Variants in AHCYL2 observed in about 807,000 individuals in gnomAD.
AHCYL2 encodes the protein S-adenosylhomocysteine hydrolase-like protein 2.
Under a neutral mutation model 81.4 loss-of-function variants are expected in AHCYL2, and 28 were observed. That is an observed-to-expected ratio of 0.34 (90% CI 0.25 to 0.47). The LOEUF (loss-of-function observed/expected upper bound fraction) is 0.47, where lower values mean the gene tolerates loss of function less well. Ranked by LOEUF, AHCYL2 falls within the 20% of genes least tolerant of loss-of-function variation. AHCYL2 has a pLI of 1.00. For synonymous variants in AHCYL2, 272 were observed against 290.2 expected (o/e 0.94, Z 0.64); for missense variants, 551 against 785.1 (o/e 0.70, Z 3.56).
In AHCYL2 at chr7:129,419,745, A is replaced by C. The variant is rs1388015229; in HGVS notation, c.1462-3095A>C. ...AGTTGTTCTCCCTGAAAAAAAAAAA[A>C]CAAAAAAAAACCGGATATGCACTGT... On this transcript the variant is annotated intron_variant, in intron 12 of 16. Transcript: ENST00000325006. The surrounding 1 kb of genome is among the most constrained non-coding windows in gnomAD (Gnocchi z 4.7). 1.3e-5 allele frequency among the ~76,000 whole-genome samples: 2 copies of C among 151,960 alleles called. No individual in the cohort carries two copies. The highest frequency in any genetic ancestry group is 4.8e-5 in the African/African-American group (2 of 41,360).
At chr7:129,387,018 T>C (rs1795234339) in intron 2 of AHCYL2, among the ~76,000 whole-genome samples, 1 of 152,226 alleles carries the variant, frequency 6.6e-6, no homozygotes, top group South Asian at 2.1e-4. Context: ...AATTACTGTA[T>C]GCCAAGCATT....
intron 1 of AHCYL2, among the ~76,000 whole-genome samples, chr7:129,340,094 AT>A (rs951944063): frequency 1.1e-4 from 16 of 142,752 alleles, no homozygotes; most frequent in African/African-American, 1.8e-4. Context: ...TATTTTTTGT[AT>A]TTTTTTTTAG....
chr7:129,353,246 CCATTCTTTA>C (rs921470389), intron 1 of AHCYL2, among the ~76,000 whole-genome samples: 79 of 152,336 alleles, frequency 5.2e-4, no homozygotes, highest in Admixed American at 2.2e-3. Context: ...CCATGCCCGG[CCATTCTTTA>C]CATTCTTTAC....
chr7:129,365,156 A>G (rs1168053352), intron 1 of AHCYL2, among the ~76,000 whole-genome samples: 1 of 152,216 alleles, frequency 6.6e-6, no homozygotes, highest in Non-Finnish European at 1.5e-5. Context: ...AATTTGAGGA[A>G]TGGTGAGAAT....
At chr7:129,341,630 A>T (rs780113479) in intron 1 of AHCYL2, among the ~76,000 whole-genome samples, 2 of 152,312 alleles carry the variant, frequency 1.3e-5, no homozygotes, top group African/African-American at 4.8e-5. Context: ...TGGCGGCGGC[A>T]GTGGCTGGCA....
intron 1 of AHCYL2, among the ~76,000 whole-genome samples, chr7:129,266,578 T>A (rs1469539536): frequency 1.3e-5 from 2 of 152,134 alleles, no homozygotes; most frequent in Non-Finnish European, 2.9e-5. Context: ...AACTAAAGTA[T>A]CTCACTGAGA....
chr7:129,430,094 T>C lies in AHCYL2; in HGVS notation c.*3049T>C, dbSNP rs946448397. The C allele has an allele frequency of 3.3e-5, 5 of 152,298 alleles. No individual in the cohort carries two copies. The highest frequency in any genetic ancestry group is 4.4e-5 in the Non-Finnish European group (3 of 67,994). 9.4% of individuals were successfully genotyped at this position (152,298 alleles called of 1,614,324 possible). A position where few individuals can be genotyped will look rare whatever the true frequency, so the allele number is the denominator to read the frequency against. ...GTCATCTTACTGAAAGGAATAACACTTCTAAAGATCACCATTTCTGAGAAG... is the reference window on the plus strand; with the variant it reads ...GTCATCTTACTGAAAGGAATAACACCTCTAAAGATCACCATTTCTGAGAAG... On this transcript the variant is annotated 3_prime_UTR_variant, in exon 17 of 17. Coordinates refer to ENST00000325006, the MANE Select transcript of AHCYL2 (RefSeq NM_015328.4).
At chr7:129,404,199 C>G (rs1796189204) in intron 7 of AHCYL2, among the ~76,000 whole-genome samples, 1 of 151,988 alleles carries the variant, frequency 6.6e-6, no homozygotes, top group South Asian at 2.1e-4. Context: ...GTAGACAAAA[C>G]AGACAGAAAA....
chr7:129,321,743 G>GTTTTTTTTTTTTTTTTTTTTGT (rs1798024159), intron 1 of AHCYL2, among the ~76,000 whole-genome samples: 5 of 77,626 alleles, frequency 6.4e-5, no homozygotes, highest in Non-Finnish European at 1.0e-4. Flanking sequence ...TTCTTTCTTT[G>GTTTTTTTTTTTTTTTTTTTTGT]TTTTTTTTTT....
rs1794152657 is a variant in AHCYL2, at chr7:129,225,049, T to G, written c.-28T>G. ...CCGACCAAGAGCAGGAGCTGGAGTC[T>G]GAGCCGGTGGTTGCAGCGGAGGCGG... On this transcript the variant is annotated 5_prime_UTR_variant, in exon 1 of 17. Transcript: ENST00000325006. 6.4e-7 allele frequency: 1 copy of G among 1,569,730 alleles called. No homozygotes were observed. The highest frequency in any genetic ancestry group is 1.9e-5 in the Admixed American group (1 of 53,452).
intron 1 of AHCYL2, among the ~76,000 whole-genome samples, chr7:129,259,039 C>T (rs192559437): frequency 6.6e-6 from 1 of 152,152 alleles, no homozygotes; most frequent in Non-Finnish European, 1.5e-5. Flanking sequence ...GAGAAACTAA[C>T]ACCAAACTAA....
intron 1 of AHCYL2, among the ~76,000 whole-genome samples, chr7:129,328,479 G>A (rs901478105): frequency 1.3e-5 from 2 of 150,162 alleles, no homozygotes; most frequent in African/African-American, 4.9e-5. Flanking sequence ...CCCTTTTTTT[G>A]TTGTTGTTTT....
intron 1 of AHCYL2, among the ~76,000 whole-genome samples, chr7:129,272,169 C>T (rs139035555): frequency 6.6e-6 from 1 of 152,284 alleles, no homozygotes; most frequent in Non-Finnish European, 1.5e-5. Flanking sequence ...GATGGAGAGG[C>T]TCAGCTGAGC....
At chr7:129,397,397 T>A in intron 5 of AHCYL2, 73 bp downstream of exon 5, 1 of 1,368,960 alleles carries the variant, frequency 7.3e-7, no homozygotes, top group Middle Eastern at 1.9e-4. Flanking sequence ...TCAGCATAAA[T>A]CTTTAAAGAA....
chr7:129,253,648 G>C (rs987369641), intron 1 of AHCYL2, among the ~76,000 whole-genome samples: 2 of 152,148 alleles, frequency 1.3e-5, no homozygotes, highest in African/African-American at 4.8e-5. Context: ...ATCTCACTCT[G>C]TTGCCCTGGT....
intron 1 of AHCYL2, among the ~76,000 whole-genome samples, chr7:129,351,248 A>G (rs1295162065): frequency 6.6e-6 from 1 of 152,214 alleles, no homozygotes; most frequent in Non-Finnish European, 1.5e-5. Flanking sequence ...AACTTATTGG[A>G]TGATAGTGAA....
chr7:129,408,034 A>G (rs1402308574), intron 10 of AHCYL2, among the ~76,000 whole-genome samples: 4 of 152,218 alleles, frequency 2.6e-5, no homozygotes, highest in Non-Finnish European at 5.9e-5. Context: ...TGGCAGATGA[A>G]ATACATTTGG....
At chr7:129,243,234 AGGCT>A (rs1794929714) in intron 1 of AHCYL2, among the ~76,000 whole-genome samples, 1 of 151,704 alleles carries the variant, frequency 6.6e-6, no homozygotes, top group Admixed American at 6.6e-5. Flanking sequence ...CATCTTGGCC[AGGCT>A]GGTTTTGAGC....
At chr7:129,423,508 G>T (rs575382528) in intron 13 of AHCYL2, among the ~76,000 whole-genome samples, 36 of 152,128 alleles carry the variant, frequency 2.4e-4, no homozygotes, top group African/African-American at 8.5e-4. Context: ...TTCCATGTCA[G>T]TGTTTGACCA....
Sources: gnomAD v4.1 joint callset for allele counts (sites outside exome capture counted in the v4.1 genomes callset) on GRCh38, gnomAD v4.1.1 for gene constraint, Gnocchi (gnomAD v3.1) non-coding constraint, MANE v1.5 for transcripts, NCBI Gene and HGNC (gene_info 2026-07-23, HGNC 2026-07-21) for gene names.